PDE4D: variants seen among roughly 807,000 people sequenced by gnomAD.
The protein encoded by PDE4D is 3',5'-cyclic-AMP phosphodiesterase 4D.
PDE4D carries 24 observed loss-of-function variants against 87.4 expected under a neutral mutation model. That is an observed-to-expected ratio of 0.27 (90% confidence interval 0.20 to 0.39). PDE4D has a LOEUF of 0.39. Among genes scored for constraint, PDE4D ranks in the 10% least tolerant of loss-of-function variants. The probability of loss-of-function intolerance (pLI) is 1.00; values close to 1 mark genes in which losing one functional copy is unlikely to be tolerated. For missense variants in PDE4D, 714 were observed against 1,041.0 expected (o/e 0.69, Z 4.32); for synonymous variants, 384 against 383.2 (o/e 1.00, Z -0.02).
chr5:59,603,789 A>C (rs1827831098), intron 1 of PDE4D, among the ~76,000 whole-genome samples: 2 of 152,008 alleles, frequency 1.3e-5, no homozygotes, highest in South Asian at 4.1e-4. Flanking sequence ...TGATCAAAGG[A>C]AACAAAATTT....
chr5:59,497,625 G>A (rs1807466650), intron 1 of PDE4D, among the ~76,000 whole-genome samples: 2 of 151,794 alleles, frequency 1.3e-5, no homozygotes, highest in Non-Finnish European at 1.5e-5. Context: ...ATCAACCCAG[G>A]CAGGCAAAAA....
intron 1 of PDE4D, among the ~76,000 whole-genome samples, chr5:60,197,401 T>C (rs1034365191): frequency 1.3e-5 from 2 of 151,608 alleles, no homozygotes; most frequent in Admixed American, 6.6e-5. Flanking sequence ...CAAAATCTAC[T>C]GTGAATAGCC....
At chr5:59,321,711 T>C (rs993936598) in intron 1 of PDE4D, among the ~76,000 whole-genome samples, 2 of 152,108 alleles carry the variant, frequency 1.3e-5, no homozygotes, top group African/African-American at 4.8e-5. Flanking sequence ...TGGTCACTGC[T>C]AGCAGCACAG....
At chr5:59,239,305 C>T (rs912523405) in intron 1 of PDE4D, among the ~76,000 whole-genome samples, 9 of 152,142 alleles carry the variant, frequency 5.9e-5, no homozygotes, top group African/African-American at 9.6e-5. Flanking sequence ...GCCTCCTCAC[C>T]GGAGATCTTA....
intron 2 of PDE4D, among the ~76,000 whole-genome samples, chr5:60,179,703 G>A (rs560855662): frequency 2.6e-5 from 4 of 152,048 alleles, no homozygotes; most frequent in African/African-American, 9.6e-5. Flanking sequence ...TGCTGACCAT[G>A]GGAAACAATG....
rs376892257 is a variant in PDE4D, at chr5:59,747,839, C to T, written c.455+145329G>A. ...ATCTGAACTTCTCCTTACCCCTATT[C>T]CCCCAAAGCCTCCTCAAGAATATTG... On this transcript the variant is annotated intron_variant, in intron 1 of 14. Coordinates refer to ENST00000340635, the MANE Select transcript of PDE4D (RefSeq NM_001104631.2). 2.8e-4 allele frequency among the ~76,000 whole-genome samples: 43 copies of T among 152,230 alleles called. No individual in the cohort carries two copies. The East Asian group carries it at 7.1e-3, about 25-fold the overall frequency.
intron 1 of PDE4D, among the ~76,000 whole-genome samples, chr5:59,509,012 A>C (rs919564981): frequency 3.9e-5 from 6 of 152,016 alleles, no homozygotes; most frequent in Non-Finnish European, 5.9e-5. Context: ...CAATATTTGA[A>C]ACAATAATAG....
intron 1 of PDE4D, among the ~76,000 whole-genome samples, chr5:60,193,848 C>G (rs1740869446): frequency 6.6e-6 from 1 of 151,364 alleles, no homozygotes; most frequent in African/African-American, 2.4e-5. Context: ...TCTCTCTGAA[C>G]ATCCCATCAA....
At chr5:60,099,282 AT>A (rs1459310649) in intron 2 of PDE4D, among the ~76,000 whole-genome samples, 1 of 151,866 alleles carries the variant, frequency 6.6e-6, no homozygotes, top group African/African-American at 2.4e-5. Flanking sequence ...TAGGAAAAGT[AT>A]TTTTTGCGTT....
At chr5:59,815,394 CCA>C in intron 1 of PDE4D, among the ~76,000 whole-genome samples, 1 of 152,272 alleles carries the variant, frequency 6.6e-6, no homozygotes, top group Admixed American at 6.5e-5. Flanking sequence ...TGAGGATGGA[CCA>C]CAGGTACGGT....
At chr5:59,302,165 T>C (rs1013744337) in intron 1 of PDE4D, among the ~76,000 whole-genome samples, 1 of 152,016 alleles carries the variant, frequency 6.6e-6, no homozygotes, top group African/African-American at 2.4e-5. Context: ...CTGACAGATA[T>C]TAGCAAGTTA....
intron 1 of PDE4D, among the ~76,000 whole-genome samples, chr5:59,651,274 AAT>A (rs1743453055): frequency 7.0e-6 from 1 of 142,690 alleles, no homozygotes; most frequent in Non-Finnish European, 1.5e-5. Context: ...TAATAATAAT[AAT>A]AATAATAATA....
intron 1 of PDE4D, among the ~76,000 whole-genome samples, chr5:60,250,351 A>G (rs975113181): frequency 2.6e-5 from 4 of 151,922 alleles, no homozygotes; most frequent in Non-Finnish European, 4.4e-5. Flanking sequence ...AGAGGCAGCT[A>G]GGAGGTGTCT....
At chr5:60,401,858 C>CT (rs1741123478) in intron 1 of PDE4D, among the ~76,000 whole-genome samples, 1 of 152,236 alleles carries the variant, frequency 6.6e-6, no homozygotes, top group South Asian at 2.1e-4. Context: ...CTGAAACACT[C>CT]TGTCTTCTTC....
intron 1 of PDE4D, among the ~76,000 whole-genome samples, chr5:59,720,186 G>A (rs1018787888): frequency 2.0e-5 from 3 of 152,082 alleles, no homozygotes; most frequent in African/African-American, 7.2e-5. Context: ...TTAAGAGATG[G>A]GATCTTGCTC....
chr5:59,587,469 C>T, intron 1 of PDE4D: 1 of 985,400 alleles, frequency 1.0e-6, no homozygotes, highest in Non-Finnish European at 1.2e-6. Context: ...GCTTTTAAAA[C>T]ACAATGGCAA....
At chr5:60,304,505 C>T (rs1180425692) in intron 1 of PDE4D, among the ~76,000 whole-genome samples, 4 of 151,030 alleles carry the variant, frequency 2.6e-5, no homozygotes, top group Admixed American at 1.3e-4. Flanking sequence ...ATTAGCCGGG[C>T]GCGGTGGCGG....
chr5:59,539,319 G>A (rs1289784311), intron 1 of PDE4D, among the ~76,000 whole-genome samples: 2 of 152,132 alleles, frequency 1.3e-5, no homozygotes, highest in East Asian at 3.9e-4. Context: ...CTGGAGGGTA[G>A]TGCATAATAA....
chr5:60,295,018 T>C (rs1334206166), intron 1 of PDE4D, among the ~76,000 whole-genome samples: 1 of 152,166 alleles, frequency 6.6e-6, no homozygotes, highest in Non-Finnish European at 1.5e-5. Context: ...CTCCATTTAT[T>C]GAAGTCTTCT....
Sources: allele counts gnomAD v4.1 joint callset (sites outside exome capture counted in the v4.1 genomes callset), GRCh38; gene constraint gnomAD v4.1.1; transcripts MANE v1.5; gene names NCBI Gene and HGNC (gene_info 2026-07-23, HGNC 2026-07-21).